The following DERA variants were observed in gnomAD, a reference collection of about 807,000 sequenced individuals.
The protein encoded by DERA is 2-deoxy-D-ribose 5-phosphate aldolase.
A neutral mutation model predicts 41.1 loss-of-function variants in DERA; 15 were observed. That is an observed-to-expected ratio of 0.37 (90% confidence interval 0.24 to 0.56). The LOEUF (loss-of-function observed/expected upper bound fraction) is 0.56, where lower values mean the gene tolerates loss of function less well. Ranked by LOEUF, DERA falls within the 20% of genes least tolerant of loss-of-function variation. The probability of loss-of-function intolerance (pLI) is 0.81; values close to 1 mark genes in which losing one functional copy is unlikely to be tolerated. For synonymous variants in DERA, 139 were observed against 137.4 expected, an observed-to-expected ratio of 1.01 and a Z score of -0.08; for missense variants, 396 against 403.4, an observed-to-expected ratio of 0.98 and a Z score of 0.16.
At chr12:16,005,670 A>C (rs1404704489) in intron 6 of DERA, among the ~76,000 whole-genome samples, 1 of 152,194 alleles carries the variant, frequency 6.6e-6, no homozygotes, top group Non-Finnish European at 1.5e-5. Context: ...GCATTTAGAA[A>C]AGACCCTGCA....
At chr12:15,917,750 G>C (rs1948211069) in intron 1 of DERA, among the ~76,000 whole-genome samples, 1 of 152,250 alleles carries the variant, frequency 6.6e-6, no homozygotes, top group African/African-American at 2.4e-5. Flanking sequence ...CACAGACTGG[G>C]GTAGGGGTGG....
Position 15,967,604 on chromosome 12 carries a change from G to A in DERA, c.508+4657G>A, listed in dbSNP as rs911079840. Reference sequence around the variant, plus strand: ...GCCAGTGGAATCTCTGAGATGATTGGCCTCATAGCTCACAGTCCAGACTCT... The same window carrying A: ...GCCAGTGGAATCTCTGAGATGATTGACCTCATAGCTCACAGTCCAGACTCT... On this transcript the variant is annotated intron_variant, in intron 5 of 8. Transcript: ENST00000428559. The surrounding 1 kb of genome is among the most constrained non-coding windows in gnomAD (Gnocchi z 4.9). 6.6e-6 allele frequency among the ~76,000 whole-genome samples: 1 copy of A among 152,052 alleles called. No individual in the cohort carries two copies. The highest frequency in any genetic ancestry group is 2.4e-5 in the African/African-American group (1 of 41,380).
At chr12:16,033,327 A>G (rs1296385094) in intron 7 of DERA, among the ~76,000 whole-genome samples, 1 of 152,258 alleles carries the variant, frequency 6.6e-6, no homozygotes, top group African/African-American at 2.4e-5. Context: ...CTTGAATTAA[A>G]TATCAATTTT....
intron 5 of DERA, among the ~76,000 whole-genome samples, chr12:15,977,931 G>A (rs531535197): frequency 2.0e-5 from 3 of 152,276 alleles, no homozygotes; most frequent in Admixed American, 2.0e-4. Context: ...TTTGGAAAGG[G>A]CATCTGTTGA....
intron 3 of DERA, among the ~76,000 whole-genome samples, chr12:15,958,661 T>G (rs1948560024): frequency 6.6e-6 from 1 of 152,122 alleles, no homozygotes; most frequent in Non-Finnish European, 1.5e-5. Context: ...TCCCTAGCCA[T>G]ACGTGAAAAA....
In DERA at chr12:15,967,779, C is replaced by A. The variant is rs1289295834; in HGVS notation, c.508+4832C>A. On this transcript the variant is annotated intron_variant, in intron 5 of 8. Coordinates refer to ENST00000428559, the MANE Select transcript of DERA (RefSeq NM_015954.4). The surrounding 1 kb of genome is among the most constrained non-coding windows in gnomAD (Gnocchi z 4.9). ...CTTCTGTCACTCCTGTCTAGCTGGA[C>A]ATGGAAACGTGGATAACTACATTTC... Among the ~76,000 whole-genome samples the A allele has an allele frequency of 6.6e-6, 1 of 152,192 alleles. No individual in the cohort carries two copies. The highest frequency in any genetic ancestry group is 1.5e-5 in the Non-Finnish European group (1 of 68,040).
intron 6 of DERA, among the ~76,000 whole-genome samples, chr12:15,987,852 T>C (rs1233198343): frequency 1.3e-5 from 2 of 152,072 alleles, no homozygotes; most frequent in Non-Finnish European, 2.9e-5. Context: ...TGGCTCACAC[T>C]GCTGGCCTGG....
intron 6 of DERA, among the ~76,000 whole-genome samples, chr12:16,007,207 A>G (rs1181584868): frequency 1.4e-5 from 2 of 142,242 alleles, no homozygotes; most frequent in African/African-American, 5.2e-5. Flanking sequence ...TTTTTGAGAC[A>G]AGGTCTCACC....
At chr12:15,927,308 T>C (rs1948294311) in intron 1 of DERA, among the ~76,000 whole-genome samples, 1 of 152,204 alleles carries the variant, frequency 6.6e-6, no homozygotes, top group Admixed American at 6.5e-5. Flanking sequence ...GGAGCTGATA[T>C]TTTGAGAGGT....
chr12:15,969,259 G>T (rs1948644224), intron 5 of DERA, among the ~76,000 whole-genome samples: 2 of 152,114 alleles, frequency 1.3e-5, no homozygotes, highest in Admixed American at 1.3e-4. Context: ...ATATACAGAG[G>T]TGTTCATTTT....
At chr12:15,963,722 A>G (rs57288969) in intron 5 of DERA, among the ~76,000 whole-genome samples, 4,519 of 152,282 alleles carry the variant, frequency 0.03, 231 homozygotes, top group African/African-American at 0.1. Context: ...GTCTCTTTAT[A>G]TATCAAATAA....
At chr12:15,934,625 T>C (rs1000984568) in intron 1 of DERA, among the ~76,000 whole-genome samples, 1 of 152,038 alleles carries the variant, frequency 6.6e-6, no homozygotes, top group Non-Finnish European at 1.5e-5. Context: ...TAAACTCACT[T>C]GGAACTATAG....
intron 1 of DERA, among the ~76,000 whole-genome samples, chr12:15,952,455 A>T (rs996431180): frequency 1.3e-5 from 2 of 152,192 alleles, no homozygotes; most frequent in African/African-American, 4.8e-5. Flanking sequence ...TGTATCATAA[A>T]GTCTAGACTA....
chr12:15,926,064 C>G (rs1948280636), intron 1 of DERA, among the ~76,000 whole-genome samples: 1 of 151,604 alleles, frequency 6.6e-6, no homozygotes, highest in South Asian at 2.1e-4. Context: ...CTCAGGTGAT[C>G]CGCCCGCCTC....
intron 1 of DERA, among the ~76,000 whole-genome samples, chr12:15,933,757 G>C (rs1948345866): frequency 6.6e-6 from 1 of 152,042 alleles, no homozygotes; most frequent in African/African-American, 2.4e-5. Flanking sequence ...TTGATTCTCA[G>C]TTAATTTCTA....
chr12:15,971,501 C>A (rs1948659464), intron 5 of DERA, among the ~76,000 whole-genome samples: 2 of 137,108 alleles, frequency 1.5e-5, no homozygotes, highest in African/African-American at 2.7e-5. Flanking sequence ...ATCTTTATAT[C>A]TCAACTCTTT....
At chr12:15,939,252 C>G (rs544549517) in intron 1 of DERA, among the ~76,000 whole-genome samples, 2 of 152,228 alleles carry the variant, frequency 1.3e-5, no homozygotes, top group African/African-American at 4.8e-5. Context: ...CTTGCATTTC[C>G]CAGTCCCAGC....
chr12:16,033,656 T>G (rs1949108741), intron 7 of DERA, among the ~76,000 whole-genome samples: 1 of 150,190 alleles, frequency 6.7e-6, no homozygotes, highest in African/African-American at 2.4e-5. Flanking sequence ...GAGAGGCATC[T>G]TTTAAATCCA....
rs1260589104 is a variant in DERA, at chr12:15,966,003, A to G, written c.508+3056A>G. Among the ~76,000 whole-genome samples the G allele has an allele frequency of 1.3e-5, 2 of 152,168 alleles. No individual in the cohort carries two copies. The highest frequency in any genetic ancestry group is 2.4e-5 in the African/African-American group (1 of 41,432). ...AGACATACTCAAGCTTTTCTTAGCC[A>G]TTTATGAAAGAACCTACATGCTGGC... On this transcript the variant is annotated intron_variant, in intron 5 of 8. Transcript: ENST00000428559. The surrounding 1 kb of genome is among the most constrained non-coding windows in gnomAD (Gnocchi z 5.1).
Sources: gnomAD v4.1 joint callset for allele counts (sites outside exome capture counted in the v4.1 genomes callset) on GRCh38, gnomAD v4.1.1 for gene constraint, Gnocchi (gnomAD v3.1) non-coding constraint, MANE v1.5 for transcripts, NCBI Gene and HGNC (gene_info 2026-07-23, HGNC 2026-07-21) for gene names.